Variants in GABPB1 observed in about 807,000 individuals in gnomAD.
The protein encoded by GABPB1 is GA binding protein transcription factor subunit beta 1, also known as GA-binding protein subunit beta-1.
Under a neutral mutation model 45.9 loss-of-function variants are expected in GABPB1, and 15 were observed. That is an observed-to-expected ratio of 0.33 (90% CI 0.22 to 0.50). GABPB1 has a LOEUF of 0.50. Among genes scored for constraint, GABPB1 ranks in the 20% least tolerant of loss-of-function variants. The pLI, the probability that GABPB1 is intolerant of heterozygous loss-of-function variation, is 0.98. For synonymous variants in GABPB1, 143 were observed against 154.4 expected (o/e 0.93, Z 0.55); for missense variants, 252 against 457.5 (o/e 0.55, Z 4.10).
intron 8 of GABPB1, among the ~76,000 whole-genome samples, chr15:50,279,374 T>G (rs1371109915): frequency 6.6e-6 from 1 of 152,192 alleles, no homozygotes; most frequent in Non-Finnish European, 1.5e-5. Context: ...TCATTTACAA[T>G]AGCAAGCAAG....
intron 1 of GABPB1, among the ~76,000 whole-genome samples, chr15:50,345,637 A>C (rs1348123240): frequency 6.6e-6 from 1 of 152,232 alleles, no homozygotes; most frequent in Non-Finnish European, 1.5e-5. Context: ...AATGCAGCAG[A>C]TAGCTAGAAA....
intron 2 of GABPB1, among the ~76,000 whole-genome samples, chr15:50,307,701 C>CA (rs35298471): frequency 0.52 from 68,861 of 131,412 alleles, 17,770 homozygotes; most frequent in Middle Eastern, 0.69. Context: ...GACTCCATCT[C>CA]AAAAAAAAAA....
chr15:50,344,462 C>T (rs2048490969), intron 1 of GABPB1, among the ~76,000 whole-genome samples: 1 of 151,986 alleles, frequency 6.6e-6, no homozygotes, highest in Non-Finnish European at 1.5e-5. Context: ...ATTCTGGCAG[C>T]CATATGCAAA....
chr15:50,335,915 A>AG (rs1555514694), intron 1 of GABPB1, among the ~76,000 whole-genome samples: 157 of 104,476 alleles, frequency 1.5e-3, no homozygotes, highest in African/African-American at 5.0e-3. Flanking sequence ...AAAAAAAAAA[A>AG]AAGAAGACTG....
chr15:50,348,683 G>A (rs11629603), intron 1 of GABPB1, among the ~76,000 whole-genome samples: 71,170 of 151,372 alleles, frequency 0.47, 18,033 homozygotes, highest in Middle Eastern at 0.65. Context: ...CCAACATGGT[G>A]AAACCACGTT....
intron 1 of GABPB1, among the ~76,000 whole-genome samples, chr15:50,310,463 A>G (rs1479547521): frequency 6.6e-6 from 1 of 152,230 alleles, no homozygotes; most frequent in East Asian, 1.9e-4. Context: ...AAAATTTTTC[A>G]TAAAAGTAAA....
At chr15:50,279,799 G>C (rs556030839) in intron 8 of GABPB1, among the ~76,000 whole-genome samples, 17 of 152,302 alleles carry the variant, frequency 1.1e-4, no homozygotes, top group African/African-American at 4.1e-4. Flanking sequence ...TCACAAGAAT[G>C]ATAGGTCCAC....
At position 50,345,582 on chromosome 15, in the gene GABPB1, G is replaced by A. The variant is rs569174566; in HGVS notation, c.-1+9403C>T. On this transcript the variant is annotated intron_variant, in intron 1 of 8. Coordinates refer to ENST00000380877, the MANE Select transcript of GABPB1 (RefSeq NM_016654.5). ...CTTCGAAAAAAAAGTAAAAACTCAC[G>A]GCAGCAATTGTAATTCAATTCTTAA... 5.3e-5 allele frequency among the ~76,000 whole-genome samples: 8 copies of A among 152,262 alleles called. No homozygotes were observed. The South Asian group carries it at 1.2e-3, about 24-fold the overall frequency.
At chr15:50,281,684 G>A (rs1334455142) in intron 8 of GABPB1, among the ~76,000 whole-genome samples, 1 of 152,172 alleles carries the variant, frequency 6.6e-6, no homozygotes, top group Non-Finnish European at 1.5e-5. Flanking sequence ...GTCTATGGCT[G>A]CTTTCACTAC....
chr15:50,286,893 C>A (rs556404218), intron 7 of GABPB1, among the ~76,000 whole-genome samples: 2 of 152,194 alleles, frequency 1.3e-5, no homozygotes, highest in South Asian at 2.1e-4. Flanking sequence ...TGAAACCATG[C>A]GAAGCCATTT....
rs759085848 is a variant in GABPB1, at chr15:50,300,954, C to T, written c.584-52G>A. 3 of 1,097,866 alleles carry T rather than the reference C, an allele frequency of 2.7e-6. No individual in the cohort carries two copies. In the South Asian group the frequency reaches 3.8e-5, roughly 14 times the overall value. 68.0% of individuals were successfully genotyped at this position (1,097,866 alleles called of 1,614,324 possible). On this transcript the variant is annotated intron_variant, in intron 5 of 8. Coordinates refer to ENST00000380877, the MANE Select transcript of GABPB1 (RefSeq NM_016654.5). The stretch of plus-strand genomic sequence containing the variant: ...AATTTCTAAGGAGCTTAATCCAATG[C>T]ATATTTCTGATATTCTATTTATCTT...
At chr15:50,282,136 G>C (rs2045995981) in intron 8 of GABPB1, 1 of 351,628 alleles carries the variant, frequency 2.8e-6, no homozygotes, top group Non-Finnish European at 5.5e-6. Context: ...GGAGGTCAAG[G>C]CTGCAGTGAA....
chr15:50,314,044 G>T (rs2047222489), intron 1 of GABPB1, among the ~76,000 whole-genome samples: 1 of 152,124 alleles, frequency 6.6e-6, no homozygotes, highest in Non-Finnish European at 1.5e-5. Context: ...TGAAGCATTT[G>T]AACAAATCGA....
At chr15:50,293,610 C>T (rs1281345609) in intron 6 of GABPB1, among the ~76,000 whole-genome samples, 1 of 152,114 alleles carries the variant, frequency 6.6e-6, no homozygotes, top group Non-Finnish European at 1.5e-5. Context: ...CAAAAACTAT[C>T]CATATGAAAA....
chr15:50,352,719 T>TA lies in GABPB1; in HGVS notation c.-1+2265dup, dbSNP rs200948874. On this transcript the variant is annotated intron_variant, in intron 1 of 8. Coordinates refer to ENST00000380877, the MANE Select transcript of GABPB1 (RefSeq NM_016654.5). ...AGTACACCTGGTATTTTCTAACAAT[T>TA]ACACGAAGAATGACCAGATGCTTCC... 4 of 152,246 alleles carry TA rather than the reference T, an allele frequency of 2.6e-5. No homozygotes were observed. The East Asian group carries it at 7.7e-4, about 29-fold the overall frequency. 9.4% of individuals were successfully genotyped at this position (152,246 alleles called of 1,614,324 possible). A position where few individuals can be genotyped will look rare whatever the true frequency, so the allele number is the denominator to read the frequency against.
chr15:50,346,759 T>C (rs1048920512), intron 1 of GABPB1, among the ~76,000 whole-genome samples: 3 of 150,396 alleles, frequency 2.0e-5, no homozygotes, highest in Admixed American at 6.6e-5. Context: ...TAACCTCATG[T>C]GGAAGAAAGA....
At chr15:50,324,142 T>C (rs962242530) in intron 1 of GABPB1, among the ~76,000 whole-genome samples, 5 of 152,090 alleles carry the variant, frequency 3.3e-5, no homozygotes, top group Admixed American at 2.0e-4. Flanking sequence ...AGGTCAAGGC[T>C]GCAGTGAGCT....
At chr15:50,287,908 T>C (rs2140982013) in intron 7 of GABPB1, among the ~76,000 whole-genome samples, 1 of 152,156 alleles carries the variant, frequency 6.6e-6, no homozygotes, top group Non-Finnish European at 1.5e-5. Context: ...AGCAACAAAC[T>C]CCTTTCTTGA....
intron 1 of GABPB1, chr15:50,354,684 G>A (rs1595867558): frequency 4.8e-6 from 2 of 412,734 alleles, no homozygotes; most frequent in Non-Finnish European, 9.6e-6. Context: ...TAGCCGCGAG[G>A]CGGCCGCGGC....
Sources: gnomAD v4.1 joint callset for allele counts (sites outside exome capture counted in the v4.1 genomes callset) on GRCh38, gnomAD v4.1.1 for gene constraint, MANE v1.5 for transcripts, NCBI Gene and HGNC (gene_info 2026-07-23, HGNC 2026-07-21) for gene names.